Variants in METTL15 observed in about 807,000 individuals in gnomAD.
METTL15 encodes the protein methyltransferase 15, mitochondrial 12S rRNA N4-cytidine.
In METTL15, 34 loss-of-function variants were observed where a neutral mutation model predicts 38.3. That is an observed-to-expected ratio of 0.89 (90% CI 0.68 to 1.18). METTL15 has a LOEUF of 1.18. Among genes scored for constraint, METTL15 ranks in the 50% most tolerant of loss-of-function variants. The pLI is 0.00. For missense variants in METTL15, 438 were observed against 498.4 expected (o/e 0.88, Z 1.15); for synonymous variants, 162 against 170.9 (o/e 0.95, Z 0.41).
At chr11:28,289,291 T>G (rs1856414796) in intron 4 of METTL15, among the ~76,000 whole-genome samples, 1 of 152,152 alleles carries the variant, frequency 6.6e-6, no homozygotes. Context: ...CAAATATTCA[T>G]TTACTTTCTC....
Position 28,373,541 on chromosome 11 carries a change from C to T in METTL15, c.*358+11505C>T, listed in dbSNP as rs950769972. 1.9e-4 allele frequency among the ~76,000 whole-genome samples: 29 copies of T among 152,220 alleles called. 1 individual carries two copies. The highest frequency in any genetic ancestry group is 6.7e-4 in the African/African-American group (28 of 41,538). ...AGCCCGTTGTCAGATGAGGAGGTTG[C>T]AAAAATTTTCTCCCATTTTGTAGGT... is the stretch of plus-strand genomic sequence containing the variant. On this transcript the variant is annotated intron_variant and NMD_transcript_variant, in intron 5 of 7. Transcript: ENST00000532947.
At chr11:28,204,700 A>G (rs1852250611) in intron 3 of METTL15, among the ~76,000 whole-genome samples, 1 of 151,878 alleles carries the variant, frequency 6.6e-6, no homozygotes, top group Non-Finnish European at 1.5e-5. Context: ...AAATGTGTAT[A>G]TAACATCTAA....
At chr11:28,237,530 CT>C (rs1237909166) in intron 4 of METTL15, among the ~76,000 whole-genome samples, 3 of 152,146 alleles carry the variant, frequency 2.0e-5, no homozygotes, top group Non-Finnish European at 4.4e-5. Flanking sequence ...TTTTCAGCTC[CT>C]TTGCCTTTGG....
intron 2 of METTL15, among the ~76,000 whole-genome samples, chr11:28,112,747 G>A (rs1040583651): frequency 1.3e-5 from 2 of 152,102 alleles, no homozygotes; most frequent in Non-Finnish European, 2.9e-5. Context: ...AGATGATCTC[G>A]TCAGAGAATC....
chr11:28,180,240 T>C (rs987835912), intron 3 of METTL15, among the ~76,000 whole-genome samples: 1 of 151,848 alleles, frequency 6.6e-6, no homozygotes, highest in African/African-American at 2.4e-5. Context: ...CCTTTTCAAA[T>C]TGATGTGTTT....
chr11:28,360,324 C>A (rs1330222962), intron 4 of METTL15, among the ~76,000 whole-genome samples: 2 of 152,186 alleles, frequency 1.3e-5, no homozygotes, highest in African/African-American at 2.4e-5. Context: ...CCGGCCATGG[C>A]CAATTGGAAC....
At chr11:28,210,668 A>C (rs1273243943) in intron 3 of METTL15, among the ~76,000 whole-genome samples, 5 of 151,982 alleles carry the variant, frequency 3.3e-5, no homozygotes, top group African/African-American at 1.2e-4. Flanking sequence ...AGAGAAATTG[A>C]GATAAAATGA....
rs1211247741 is a variant in METTL15 at position 28,343,902 on chromosome 11, A to T, written c.*190-8188A>T. 2.0e-5 allele frequency among the ~76,000 whole-genome samples: 3 copies of T among 152,314 alleles called. No individual in the cohort carries two copies. The East Asian group carries it at 5.8e-4, about 29-fold the overall frequency. On this transcript the variant is annotated intron_variant and NMD_transcript_variant, in intron 3 of 7. Transcript: ENST00000532947. ...GAAAAGATAGTAGATAAACAGGGAA[A>T]ATTCTGTAATAGAAGGTAAGTACTA... is the stretch of plus-strand genomic sequence containing the variant.
At chr11:28,140,305 AAAG>A (rs944972400) in intron 3 of METTL15, among the ~76,000 whole-genome samples, 1 of 152,198 alleles carries the variant, frequency 6.6e-6, no homozygotes, top group African/African-American at 2.4e-5. Context: ...TCCTGGAACA[AAAG>A]AAGGAAAATA....
intron 3 of METTL15, among the ~76,000 whole-genome samples, chr11:28,185,598 T>TA: frequency 6.6e-6 from 1 of 151,514 alleles, no homozygotes; most frequent in Middle Eastern, 3.4e-3. Context: ...ACAAAAGAAA[T>TA]ATGTTGATTG....
At chr11:28,436,370 T>G (rs1055214818) in intron 6 of METTL15, among the ~76,000 whole-genome samples, 1 of 152,208 alleles carries the variant, frequency 6.6e-6, no homozygotes, top group African/African-American at 2.4e-5. Context: ...ACTTAGTGGC[T>G]TAAAATAACA....
intron 6 of METTL15, among the ~76,000 whole-genome samples, chr11:28,504,265 C>T (rs1370653498): frequency 2.0e-5 from 3 of 150,092 alleles, no homozygotes; most frequent in African/African-American, 7.4e-5. Context: ...TGTTCAGGGA[C>T]CAGGCAGGTA....
intron 3 of METTL15, among the ~76,000 whole-genome samples, chr11:28,142,401 G>T (rs1258935181): frequency 6.6e-6 from 1 of 152,180 alleles, no homozygotes; most frequent in Non-Finnish European, 1.5e-5. Context: ...TTGGGTAAGT[G>T]TTAAAGGAAG....
intron 3 of METTL15, among the ~76,000 whole-genome samples, chr11:28,149,679 T>C (rs978585342): frequency 3.9e-5 from 6 of 151,974 alleles, no homozygotes; most frequent in African/African-American, 1.4e-4. Flanking sequence ...GGATCATCTC[T>C]TTTATCTCAT....
intron 6 of METTL15, among the ~76,000 whole-genome samples, chr11:28,309,983 T>G (rs959540381): frequency 1.3e-5 from 2 of 152,202 alleles, no homozygotes; most frequent in African/African-American, 4.8e-5. Flanking sequence ...CAGATCCATC[T>G]GCATTACACA....
chr11:28,442,408 AC>A (rs1215374559), intron 6 of METTL15, among the ~76,000 whole-genome samples: 1 of 151,980 alleles, frequency 6.6e-6, no homozygotes, highest in Non-Finnish European at 1.5e-5. Context: ...TGGTTTCGAA[AC>A]AGTTTTTTTT....
intron 6 of METTL15, among the ~76,000 whole-genome samples, chr11:28,426,322 T>G (rs2133425349): frequency 6.6e-6 from 1 of 152,352 alleles, no homozygotes; most frequent in Middle Eastern, 3.4e-3. Flanking sequence ...GTGCCACATT[T>G]TCTTCATCCA....
At chr11:28,348,997 A>G (rs1850019589) in intron 3 of METTL15, among the ~76,000 whole-genome samples, 1 of 152,198 alleles carries the variant, frequency 6.6e-6, no homozygotes, top group Admixed American at 6.5e-5. Flanking sequence ...TCAAATGAAG[A>G]TATGAGCATT....
chr11:28,353,931 C>CAAAAA (rs374097845), intron 4 of METTL15, among the ~76,000 whole-genome samples: 3 of 46,336 alleles, frequency 6.5e-5, no homozygotes, highest in Non-Finnish European at 1.3e-4. Context: ...GACTCCGTCT[C>CAAAAA]AAAAAAAAAA....
Sources: gnomAD v4.1 joint callset for allele counts (sites outside exome capture counted in the v4.1 genomes callset) on GRCh38, gnomAD v4.1.1 for gene constraint, MANE v1.5 for transcripts, NCBI Gene and HGNC (gene_info 2026-07-23, HGNC 2026-07-21) for gene names.